Variants in TMEM42 observed in about 807,000 individuals in gnomAD.
The protein encoded by TMEM42 is transmembrane protein 42.
Under a neutral mutation model 14.0 loss-of-function variants are expected in TMEM42, and 8 were observed. That is an observed-to-expected ratio of 0.57 (90% CI 0.34 to 1.03). The LOEUF (loss-of-function observed/expected upper bound fraction) is 1.03. Among genes scored for constraint, TMEM42 ranks in the 50% least tolerant of loss-of-function variants. The probability of loss-of-function intolerance (pLI) is 0.03; values close to 1 mark genes in which losing one functional copy is unlikely to be tolerated. For missense variants in TMEM42, 211 were observed against 219.8 expected, an observed-to-expected ratio of 0.96 and a Z score of 0.25; for synonymous variants, 115 against 94.3, an observed-to-expected ratio of 1.22 and a Z score of -1.27.
At position 44,865,126 on chromosome 3, in the gene TMEM42, A is replaced by G; in HGVS notation, c.426A>G (p.Leu142=). 1 of 1,614,058 alleles carries G rather than the reference A, an allele frequency of 6.2e-7. No homozygotes were observed. Among genetic ancestry groups the G allele is most frequent in the Admixed American group, 1.7e-5 (1 of 60,020 alleles). Residue 142 remains leucine, a synonymous_variant, in exon 3 of 3, where the codon CTA becomes CTG. Transcript: ENST00000302392. ...GVFLILCGLT[L]IHRKLPPTWK... ...TCCTTATTCTCTGCGGACTCACCCT[A>G]ATCCACAGGAAGCTCCCACCCACCT...
chr3:44,861,966 G>A lies in TMEM42; in HGVS notation c.42G>A (p.Ala14=), dbSNP rs1039661811. Reference sequence around the variant, plus strand: ...GGCCTCCGGGCGGCGCCGTGTCCGCGACCGCGTACCCTGACACCCCCGCGG... The same window carrying A: ...GGCCTCCGGGCGGCGCCGTGTCCGCAACCGCGTACCCTGACACCCCCGCGG... ...RPGPPGGAVS[A]TAYPDTPAEF... The change falls in exon 1 of 3, where the codon GCG becomes GCA. Residue 14 remains alanine (A), a synonymous_variant. Coordinates refer to ENST00000302392, the MANE Select transcript of TMEM42 (RefSeq NM_144638.3). 2.9e-6 allele frequency: 4 copies of A among 1,399,018 alleles called. No homozygotes were observed. The highest frequency in any genetic ancestry group is 2.0e-4 in the Middle Eastern group (1 of 5,068). 86.7% of individuals were successfully genotyped at this position (1,399,018 alleles called of 1,614,324 possible).
intron 1 of TMEM42, 92 bp downstream of exon 1, chr3:44,862,208 T>A: frequency 4.5e-6 from 1 of 222,740 alleles, no homozygotes; most frequent in Non-Finnish European, 7.2e-6. Flanking sequence ...CCCGCGGGGC[T>A]CTTGGGGTGG....
chr3:44,863,743 G>C (rs1036724934), intron 1 of TMEM42: 2 of 170,488 alleles, frequency 1.2e-5, no homozygotes, highest in African/African-American at 4.7e-5. Flanking sequence ...TATAGGATTT[G>C]GGGGTGGGAA....
chr3:44,862,117 G>T lies in TMEM42; in HGVS notation c.192+1G>T, dbSNP rs1699261553. On this transcript the variant is annotated splice_donor_variant, in intron 1 of 2. Coordinates refer to ENST00000302392, the MANE Select transcript of TMEM42 (RefSeq NM_144638.3). LOFTEE classifies it high-confidence loss of function. ...CGCCAAGCTGGCCTTCGGCAGCGAG[G>T]TCGAGCCCGGGGCGCTGTTGGTGCT... The T allele has an allele frequency of 6.2e-5, 78 of 1,248,056 alleles. No individual in the cohort carries two copies. Among genetic ancestry groups the T allele is most frequent in the Non-Finnish European group, 7.7e-5 (77 of 994,252 alleles). The allele number at this position is 1,248,056 out of a possible 1,614,324, so 77.3% of individuals were successfully genotyped here. A position where few individuals can be genotyped will look rare whatever the true frequency, so the allele number is the denominator to read the frequency against.
intron 2 of TMEM42, 148 bp downstream of exon 2, chr3:44,864,491 A>T: frequency 1.1e-6 from 1 of 876,324 alleles, no homozygotes; most frequent in South Asian, 1.7e-5. Flanking sequence ...TGAGTGCTCT[A>T]TTCATGGAGC....
rs1314720744 is a variant in TMEM42, at chr3:44,861,957, C to A, written c.33C>A (p.Ala11=). The change falls in exon 1 of 3, where the codon GCC becomes GCA. Residue 11 remains alanine, a synonymous_variant. Coordinates refer to ENST00000302392, the MANE Select transcript of TMEM42 (RefSeq NM_144638.3). The part of the protein sequence containing the change: MAERPGPPGG[A]VSATAYPDTP... ...AGAGGCCGGGGCCTCCGGGCGGCGC[C>A]GTGTCCGCGACCGCGTACCCTGACA... is the stretch of plus-strand genomic sequence containing the variant. The A allele has an allele frequency of 7.1e-7, 1 of 1,402,802 alleles. No individual in the cohort carries two copies. Among genetic ancestry groups the A allele is most frequent in the South Asian group, 1.5e-5 (1 of 64,936 alleles). 86.9% of individuals were successfully genotyped at this position (1,402,802 alleles called of 1,614,324 possible). A position where few individuals can be genotyped will look rare whatever the true frequency, so the allele number is the denominator to read the frequency against.
intron 1 of TMEM42, chr3:44,863,673 AAC>A (rs1699288937): frequency 1.3e-5 from 2 of 158,676 alleles, no homozygotes; most frequent in South Asian, 1.8e-4. Flanking sequence ...CCCAGGACCT[AAC>A]ACAGAGTAAA....
At chr3:44,864,886 G>A (rs1192727473) in intron 2 of TMEM42, among the ~76,000 whole-genome samples, 154 bp from the exon 3 acceptor site, 1 of 152,172 alleles carries the variant, frequency 6.6e-6, no homozygotes, top group East Asian at 1.9e-4. Flanking sequence ...ATTGAATAGA[G>A]TGACTTGATG....
At position 44,865,599 on chromosome 3, in the gene TMEM42, C is replaced by G. The variant is rs1346905545; in HGVS notation, c.*419C>G. 1 of 183,766 alleles carries G rather than the reference C, an allele frequency of 5.4e-6. No individual in the cohort carries two copies. The highest frequency in any genetic ancestry group is 1.2e-5 in the Non-Finnish European group (1 of 86,224). The allele number at this position is 183,766 out of a possible 1,614,324, so 11.4% of individuals were successfully genotyped here. A position where few individuals can be genotyped will look rare whatever the true frequency, so the allele number is the denominator to read the frequency against. ...TGCTGATGTATCAGGCCATCTGTGT[C>G]ATGCTTATGTATTATGGCAAGAAGA... is the stretch of plus-strand genomic sequence containing the variant. On this transcript the variant is annotated 3_prime_UTR_variant, in exon 3 of 3. Coordinates refer to ENST00000302392, the MANE Select transcript of TMEM42 (RefSeq NM_144638.3).
chr3:44,861,974 A>G lies in TMEM42; in HGVS notation c.50A>G (p.Tyr17Cys). The change falls in exon 1 of 3, where the codon TAC (tyrosine) becomes TGC (cysteine). Residue 17 changes from tyrosine (Y) to cysteine (C), a missense_variant. Physicochemically the swap from Tyr to Cys is radical, Grantham distance 194. Transcript: ENST00000302392. ...GGCGGCGCCGTGTCCGCGACCGCGT[A>G]CCCTGACACCCCCGCGGAATTCCCT... ...PPGGAVSATA[Y>C]PDTPAEFPPH... 1 of 1,387,090 alleles carries G rather than the reference A, an allele frequency of 7.2e-7. No individual in the cohort carries two copies. Among genetic ancestry groups the G allele is most frequent in the South Asian group, 1.6e-5 (1 of 61,848 alleles). The allele number at this position is 1,387,090 out of a possible 1,614,324, so 85.9% of individuals were successfully genotyped here.
At position 44,862,047 on chromosome 3, in the gene TMEM42, C is replaced by T; in HGVS notation, c.123C>T (p.Phe41=). The T allele has an allele frequency of 1.5e-6, 2 of 1,358,920 alleles. No homozygotes were observed. The highest frequency in any genetic ancestry group is 3.8e-5 in the South Asian group (2 of 52,188). 84.2% of individuals were successfully genotyped at this position (1,358,920 alleles called of 1,614,324 possible). A position where few individuals can be genotyped will look rare whatever the true frequency, so the allele number is the denominator to read the frequency against. The change falls in exon 1 of 3, where the codon TTC becomes TTT. Residue 41 remains phenylalanine, a synonymous_variant. Transcript: ENST00000302392. The part of the protein sequence containing the change: ...GAMRRRFWGV[F]NCLCAGAFGA... ...TGCGGCGCCGCTTTTGGGGCGTATTCAACTGTCTGTGCGCCGGCGCGTTCG... is the reference window on the plus strand; with the variant it reads ...TGCGGCGCCGCTTTTGGGGCGTATTTAACTGTCTGTGCGCCGGCGCGTTCG...
intron 2 of TMEM42, 84 bp from the exon 3 acceptor site, chr3:44,864,956 C>A: frequency 6.4e-7 from 1 of 1,566,654 alleles, no homozygotes; most frequent in South Asian, 1.1e-5. Flanking sequence ...CTCCTGGCAC[C>A]CTTAGAAGGA....
chr3:44,865,374 G>A lies in TMEM42; in HGVS notation c.*194G>A. On this transcript the variant is annotated 3_prime_UTR_variant, in exon 3 of 3. Coordinates refer to ENST00000302392, the MANE Select transcript of TMEM42 (RefSeq NM_144638.3). ...GCTGCAGCAGTGTTCTACCGGAAGTGTTTTGATCATCTGTACAGTGCTTTG... is the reference window on the plus strand; with the variant it reads ...GCTGCAGCAGTGTTCTACCGGAAGTATTTTGATCATCTGTACAGTGCTTTG... 2.8e-6 allele frequency: 2 copies of A among 708,670 alleles called. No homozygotes were observed. Among genetic ancestry groups the A allele is most frequent in the Non-Finnish European group, 4.6e-6 (2 of 432,646 alleles). 43.9% of individuals were successfully genotyped at this position (708,670 alleles called of 1,614,324 possible).
chr3:44,864,082 G>T, intron 1 of TMEM42, 115 bp from the exon 2 acceptor site: 1 of 1,304,194 alleles, frequency 7.7e-7, no homozygotes. Flanking sequence ...CTGAGCTGTA[G>T]TGGGAGCTCA....
chr3:44,865,033 C>T lies in TMEM42; in HGVS notation c.340-7C>T. 1.2e-6 allele frequency: 2 copies of T among 1,613,956 alleles called. No homozygotes were observed. The highest frequency in any genetic ancestry group is 1.7e-6 in the Non-Finnish European group (2 of 1,179,878). ...TTGAGTCCCTCACAGCTATCTTTGT[C>T]TCGCAGGCCTTCCTGGGCTATGTGC... On this transcript the variant is annotated splice_region_variant and splice_polypyrimidine_tract_variant and intron_variant, in intron 2 of 2. Coordinates refer to ENST00000302392, the MANE Select transcript of TMEM42 (RefSeq NM_144638.3).
rs1346070854 is a variant in TMEM42 at position 44,865,544 on chromosome 3, A to G, written c.*364A>G. 6 of 236,470 alleles carry G rather than the reference A, an allele frequency of 2.5e-5. No homozygotes were observed. The highest frequency in any genetic ancestry group is 5.1e-5 in the Non-Finnish European group (6 of 117,090). 14.6% of individuals were successfully genotyped at this position (236,470 alleles called of 1,614,324 possible). On this transcript the variant is annotated 3_prime_UTR_variant, in exon 3 of 3. Coordinates refer to ENST00000302392, the MANE Select transcript of TMEM42 (RefSeq NM_144638.3). ...AAGCCAGTCATGTAACTCTAGAAGCAGTGACTGGTGGGGCTTTCTGACAGT... is the reference window on the plus strand; with the variant it reads ...AAGCCAGTCATGTAACTCTAGAAGCGGTGACTGGTGGGGCTTTCTGACAGT...
Position 44,865,462 on chromosome 3 carries a change from C to CGCAGA in TMEM42, c.*282_*283insGCAGA. The stretch of plus-strand genomic sequence containing the variant: ...AGATGCTGGAGATCCTGGGGTTGGT[C>CGCAGA]TGCTTTGTGTATGGTACTTGAAACC... On this transcript the variant is annotated 3_prime_UTR_variant, in exon 3 of 3. Transcript: ENST00000302392. The CGCAGA allele has an allele frequency of 2.3e-6, 1 of 440,544 alleles. No homozygotes were observed. The highest frequency in any genetic ancestry group is 4.2e-6 in the Non-Finnish European group (1 of 240,466). 27.3% of individuals were successfully genotyped at this position (440,544 alleles called of 1,614,324 possible).
At chr3:44,863,946 C>G (rs1261297188) in intron 1 of TMEM42, 2 of 514,146 alleles carry the variant, frequency 3.9e-6, no homozygotes, top group Non-Finnish European at 3.5e-6. Context: ...TTTGCTTCTT[C>G]CCAAGATCAT....
In TMEM42 at chr3:44,865,290, T is replaced by A; in HGVS notation, c.*110T>A. 6.9e-7 allele frequency: 1 copy of A among 1,459,280 alleles called. No individual in the cohort carries two copies. The highest frequency in any genetic ancestry group is 1.2e-5 in the South Asian group (1 of 80,122). 90.4% of individuals were successfully genotyped at this position (1,459,280 alleles called of 1,614,324 possible). ...ATCCAGTTGTGCAGCCTTCTGACCA[T>A]CAGCCAAGGGAAGCAGGCCTCTGAT... On this transcript the variant is annotated 3_prime_UTR_variant, in exon 3 of 3. Coordinates refer to ENST00000302392, the MANE Select transcript of TMEM42 (RefSeq NM_144638.3).
Sources: allele counts gnomAD v4.1 joint callset (sites outside exome capture counted in the v4.1 genomes callset), GRCh38; gene constraint gnomAD v4.1.1; transcripts MANE v1.5; gene names NCBI Gene and HGNC (gene_info 2026-07-23, HGNC 2026-07-21).